The following ACTR5 variants were observed in gnomAD, a reference collection of about 807,000 sequenced individuals.
ACTR5 encodes the protein actin related protein 5, also known as actin-related protein 5.
A neutral mutation model predicts 61.2 loss-of-function variants in ACTR5; 43 were observed. The observed-to-expected ratio is 0.70, with a 90% CI of 0.55 to 0.91. The LOEUF is 0.91. Among genes scored for constraint, ACTR5 ranks in the 40% least tolerant of loss-of-function variants. The probability of loss-of-function intolerance (pLI) is 0.00; values close to 1 mark genes in which losing one functional copy is unlikely to be tolerated. For missense variants in ACTR5, 798 were observed against 782.2 expected (o/e 1.02, Z -0.24); for synonymous variants, 333 against 310.5 (o/e 1.07, Z -0.76).
chr20:38,754,790 T>C (rs1005641187), intron 3 of ACTR5, among the ~76,000 whole-genome samples, 167 bp from the exon 4 acceptor site: 2 of 151,988 alleles, frequency 1.3e-5, no homozygotes, highest in Non-Finnish European at 2.9e-5. Context: ...AGGGTTTCAC[T>C]GTGTTAGCCA....
At chr20:38,765,568 T>A (rs781336741) in intron 6 of ACTR5, 50 bp downstream of exon 6, 2 of 1,467,600 alleles carry the variant, frequency 1.4e-6, no homozygotes, top group South Asian at 1.1e-5. Context: ...GGTGTTGACC[T>A]AAATGGCTGG....
Position 38,765,426 on chromosome 20 carries a change from C to T in ACTR5, c.1201C>T (p.Pro401Ser). ...PETPDLEQLE[P>S]SLEDVESMND... is the part of the protein sequence containing the mutation. ...GACCCCTGACCTGGAGCAGCTGGAG[C>T]CGTCTTTGGAAGATGTGGAAAGCAT... Residue 401 changes from proline to serine, a missense_variant, in exon 6 of 9, where the codon CCG (proline) becomes TCG (serine). Physicochemically the swap from Pro to Ser is moderately conservative, Grantham distance 74. Coordinates refer to ENST00000243903, the MANE Select transcript of ACTR5 (RefSeq NM_024855.4). The T allele has an allele frequency of 3.7e-6, 6 of 1,614,084 alleles. No individual in the cohort carries two copies. Among genetic ancestry groups the T allele is most frequent in the Non-Finnish European group, 5.1e-6 (6 of 1,179,998 alleles).
At chr20:38,750,721 C>G (rs760565138) in intron 2 of ACTR5, among the ~76,000 whole-genome samples, 1 of 151,988 alleles carries the variant, frequency 6.6e-6, no homozygotes, top group South Asian at 2.1e-4. Flanking sequence ...GTCCGCCTCC[C>G]GGGTTCAATT....
intron 8 of ACTR5, among the ~76,000 whole-genome samples, chr20:38,770,652 A>T (rs2084514418): frequency 6.6e-6 from 1 of 152,210 alleles, no homozygotes; most frequent in African/African-American, 2.4e-5. Context: ...ACTCTGTACC[A>T]GGCAGCATCT....
intron 5 of ACTR5, among the ~76,000 whole-genome samples, chr20:38,765,072 C>A (rs879873219): frequency 1.3e-5 from 2 of 152,148 alleles, no homozygotes; most frequent in Non-Finnish European, 2.9e-5. Flanking sequence ...CTTAGAGTTG[C>A]GTGTGTGGTG....
chr20:38,754,170 A>G (rs574440627), intron 3 of ACTR5, among the ~76,000 whole-genome samples: 46 of 152,306 alleles, frequency 3.0e-4, no homozygotes, highest in African/African-American at 1.1e-3. Flanking sequence ...AGAACTCGTA[A>G]GGAGATTAGT....
At chr20:38,765,830 C>A (rs1166509049) in intron 6 of ACTR5, among the ~76,000 whole-genome samples, 1 of 152,178 alleles carries the variant, frequency 6.6e-6, no homozygotes, top group African/African-American at 2.4e-5. Context: ...TACACATAAT[C>A]CTCTTTGGAA....
At chr20:38,753,233 C>G (rs1164258709) in intron 3 of ACTR5, among the ~76,000 whole-genome samples, 1 of 151,880 alleles carries the variant, frequency 6.6e-6, no homozygotes, top group African/African-American at 2.4e-5. Context: ...TTTTCTTTTA[C>G]AATTCTATGA....
At chr20:38,754,139 C>G (rs1568634645) in intron 3 of ACTR5, among the ~76,000 whole-genome samples, 1 of 152,150 alleles carries the variant, frequency 6.6e-6, no homozygotes, top group Non-Finnish European at 1.5e-5. Flanking sequence ...TTTTTACTTT[C>G]AGTTGTCAAA....
chr20:38,772,051 C>G lies in ACTR5; in HGVS notation c.*235C>G, dbSNP rs191043547. 4.1e-3 allele frequency: 2,260 copies of G among 557,918 alleles called. 18 individuals carry two copies. Among genetic ancestry groups the G allele is most frequent in the South Asian group, 5.9e-3 (237 of 40,102 alleles). 34.6% of individuals were successfully genotyped at this position (557,918 alleles called of 1,614,324 possible). A position where few individuals can be genotyped will look rare whatever the true frequency, so the allele number is the denominator to read the frequency against. ...TAACTGGCCTTCTGATGTCTTTGTT[C>G]AACTGTGGCCAGCTGTGGCATCAGC... On this transcript the variant is annotated 3_prime_UTR_variant, in exon 9 of 9. Transcript: ENST00000243903.
chr20:38,750,794 A>T (rs1003837980), intron 2 of ACTR5, among the ~76,000 whole-genome samples: 5 of 151,868 alleles, frequency 3.3e-5, no homozygotes, highest in Non-Finnish European at 7.4e-5. Flanking sequence ...ATTCCTGGCT[A>T]ATTTTTTTTA....
At chr20:38,765,357 C>G (rs778343960) in intron 5 of ACTR5, 45 bp from the exon 6 acceptor site, 7 of 1,364,060 alleles carry the variant, frequency 5.1e-6, no homozygotes, top group Non-Finnish European at 7.3e-6. Context: ...AGAACTGAGG[C>G]CTGCTGAAGG....
At chr20:38,750,523 A>G (rs1434535954) in intron 2 of ACTR5, among the ~76,000 whole-genome samples, 1 of 152,236 alleles carries the variant, frequency 6.6e-6, no homozygotes, top group African/African-American at 2.4e-5. Flanking sequence ...TAGCTAACAT[A>G]GTATCTGCAG....
Position 38,771,599 on chromosome 20 carries a change from G to A in ACTR5, c.1607G>A (p.Gly536Asp), listed in dbSNP as rs765737446. The A allele has an allele frequency of 1.2e-6, 2 of 1,614,164 alleles. No individual in the cohort carries two copies. The highest frequency in any genetic ancestry group is 1.1e-5 in the South Asian group (1 of 91,082). The change falls in exon 9 of 9, where the codon GGT becomes GAT. Residue 536 changes from glycine (G) to aspartate (D), a missense_variant. Transcript: ENST00000243903. ...AACCCTGTGCTGGATGCCTGGTACG[G>A]TGCTCGTGACTGGGCCTTGAACCAC... ...ASNPVLDAWYGARDWALNHLD... is the reference protein window; with the variant it reads ...ASNPVLDAWYDARDWALNHLD...
At chr20:38,759,532 A>G (rs960310749) in intron 5 of ACTR5, among the ~76,000 whole-genome samples, 2 of 152,192 alleles carry the variant, frequency 1.3e-5, no homozygotes, top group Admixed American at 6.5e-5. Flanking sequence ...TTATCTTAAG[A>G]TGGTATGCTT....
At chr20:38,762,048 A>T (rs560565416) in intron 5 of ACTR5, among the ~76,000 whole-genome samples, 2 of 152,308 alleles carry the variant, frequency 1.3e-5, no homozygotes, top group East Asian at 3.9e-4. Context: ...CAACCATTTT[A>T]TTGTGCTCAT....
At chr20:38,756,397 T>A (rs2084420486) in intron 5 of ACTR5, among the ~76,000 whole-genome samples, 1 of 152,230 alleles carries the variant, frequency 6.6e-6, no homozygotes, top group Non-Finnish European at 1.5e-5. Flanking sequence ...GATTGTTCAC[T>A]TACCTCCTTT....
chr20:38,758,375 G>A (rs1275356114), intron 5 of ACTR5, among the ~76,000 whole-genome samples: 1 of 152,140 alleles, frequency 6.6e-6, no homozygotes. Flanking sequence ...GGCCGGGCAC[G>A]GTGGCTCACG....
chr20:38,770,403 G>A (rs1009703889), intron 8 of ACTR5, among the ~76,000 whole-genome samples: 3 of 152,172 alleles, frequency 2.0e-5, no homozygotes, highest in Non-Finnish European at 4.4e-5. Context: ...CAGCCTCTGC[G>A]AGCAATGTTC....
Sources: allele counts gnomAD v4.1 joint callset (sites outside exome capture counted in the v4.1 genomes callset), GRCh38; gene constraint gnomAD v4.1.1; transcripts MANE v1.5; gene names NCBI Gene and HGNC (gene_info 2026-07-23, HGNC 2026-07-21).